The following PGBD5 variants were observed in gnomAD, a reference collection of about 807,000 sequenced individuals.
PGBD5 encodes the protein piggyBac transposable element derived 5.
In PGBD5, 14 loss-of-function variants were observed where a neutral mutation model predicts 47.9. That is an observed-to-expected ratio of 0.29 (90% CI 0.19 to 0.46). The LOEUF (loss-of-function observed/expected upper bound fraction) is 0.46. Among genes scored for constraint, PGBD5 ranks in the 20% least tolerant of loss-of-function variants. The pLI, the probability that PGBD5 is intolerant of heterozygous loss-of-function variation, is 1.00. For synonymous variants in PGBD5, 316 were observed against 306.3 expected, an observed-to-expected ratio of 1.03 and a Z score of -0.33; for missense variants, 635 against 716.0, an observed-to-expected ratio of 0.89 and a Z score of 1.29.
rs1007989020 is a variant in PGBD5, at chr1:230,321,572, G to A, written c.*1853C>T. 2.6e-5 allele frequency: 4 copies of A among 152,272 alleles called. No individual in the cohort carries two copies. Among genetic ancestry groups the A allele is most frequent in the Admixed American group, 2.0e-4 (3 of 15,286 alleles). 9.4% of individuals were successfully genotyped at this position (152,272 alleles called of 1,614,324 possible). ...GCCCGCTTCAGCCTCCAAAAGTGCT[G>A]GGATTACAGGCATGAGCCACCGCAC... On this transcript the variant is annotated 3_prime_UTR_variant, in exon 7 of 7. Transcript: ENST00000391860.
chr1:230,347,628 C>G (rs190786699), intron 3 of PGBD5, among the ~76,000 whole-genome samples: 500 of 152,038 alleles, frequency 3.3e-3, no homozygotes, highest in African/African-American at 0.01. Context: ...TACAGGCATG[C>G]GCCACCATGC....
At chr1:230,424,306 T>C (rs1212107503) in intron 1 of PGBD5, among the ~76,000 whole-genome samples, 1 of 152,188 alleles carries the variant, frequency 6.6e-6, no homozygotes, top group Non-Finnish European at 1.5e-5. Flanking sequence ...GAGTCAATGA[T>C]TTTGAAAATT....
intron 1 of PGBD5, among the ~76,000 whole-genome samples, chr1:230,370,550 A>C (rs560309938): frequency 6.6e-6 from 1 of 152,104 alleles, no homozygotes; most frequent in African/African-American, 2.4e-5. Context: ...TTTGATGACA[A>C]ATCTATGAGA....
chr1:230,328,988 A>G (rs1667166888), intron 5 of PGBD5, among the ~76,000 whole-genome samples: 3 of 151,838 alleles, frequency 2.0e-5, no homozygotes, highest in Admixed American at 2.0e-4. Context: ...ACTGAAGTGC[A>G]GTGTCACGAT....
In PGBD5 at chr1:230,421,257, T is replaced by C. The variant is rs574400128; in HGVS notation, c.331+4341A>G. The stretch of plus-strand genomic sequence containing the variant: ...AGATTCTACTCTTCTGTATCCTGTT[T>C]GTGGTATCGATTACACAAATCATGA... On this transcript the variant is annotated intron_variant, in intron 1 of 6. Coordinates refer to ENST00000391860, the MANE Select transcript of PGBD5 (RefSeq NM_001258311.2). Among the ~76,000 whole-genome samples, 120 of 152,356 alleles carry C rather than the reference T, an allele frequency of 7.9e-4. 1 individual carries two copies. The highest frequency in any genetic ancestry group is 2.9e-3 in the African/African-American group (119 of 41,584).
chr1:230,396,299 A>C (rs1217354055), intron 1 of PGBD5, among the ~76,000 whole-genome samples: 3 of 59,954 alleles, frequency 5.0e-5, no homozygotes, highest in South Asian at 8.0e-4. Context: ...TTTTACCCCC[A>C]CACTCCTCCC....
At position 230,357,165 on chromosome 1, in the gene PGBD5, G is replaced by A. The variant is rs1012781154; in HGVS notation, c.488C>T (p.Thr163Met). The A allele has an allele frequency of 1.9e-5, 30 of 1,614,104 alleles. No homozygotes were observed. The highest frequency in any genetic ancestry group is 2.5e-5 in the Non-Finnish European group (29 of 1,180,018). ...CAGGAACGCCTTCATCTCCGTCAGCGTCACCTCCACCCAGGCTCCGTCGCT... is the reference window on the plus strand; with the variant it reads ...CAGGAACGCCTTCATCTCCGTCAGCATCACCTCCACCCAGGCTCCGTCGCT... The part of the protein sequence containing the change: ...FGSDGAWVEV[T>M]LTEMKAFLGY... The change falls in exon 2 of 7, where the codon ACG (threonine) becomes ATG (methionine). Residue 163 changes from threonine (T) to methionine (M), a missense_variant. By Grantham distance (81) the Thr-to-Met change is moderately conservative. Transcript: ENST00000391860. The surrounding 1 kb of genome is among the most constrained non-coding windows in gnomAD (Gnocchi z 5.7).
intron 4 of PGBD5, chr1:230,335,974 A>G (rs1667319351): frequency 6.6e-6 from 1 of 151,720 alleles, no homozygotes; most frequent in Non-Finnish European, 1.5e-5. Flanking sequence ...CACCCCTTCT[A>G]CTTTCAGTCC....
At chr1:230,373,854 C>T (rs559493381) in intron 1 of PGBD5, among the ~76,000 whole-genome samples, 6 of 152,162 alleles carry the variant, frequency 3.9e-5, no homozygotes, top group Non-Finnish European at 8.8e-5. Flanking sequence ...CCACCACACC[C>T]GGCTAATTTT....
rs777761759 is a variant in PGBD5, at chr1:230,357,347, T to C, written c.332-26A>G. The C allele has an allele frequency of 4.0e-5, 64 of 1,604,480 alleles. No individual in the cohort carries two copies. The highest frequency in any genetic ancestry group is 5.1e-5 in the Non-Finnish European group (60 of 1,174,648). ...CTGAAACCCAAAGACAGGTGGAGTG[T>C]TCCTTAGGACGGCCGCCACACCCTG... is the stretch of plus-strand genomic sequence containing the variant. On this transcript the variant is annotated intron_variant, in intron 1 of 6. Transcript: ENST00000391860. This position sits in a 1 kb window ranked among gnomAD's most constrained non-coding sequence, Gnocchi z 5.7.
At chr1:230,397,899 C>T (rs905909409) in intron 1 of PGBD5, among the ~76,000 whole-genome samples, 2 of 152,210 alleles carry the variant, frequency 1.3e-5, no homozygotes, top group Non-Finnish European at 2.9e-5. Flanking sequence ...GGGGTAGCGT[C>T]CCCTACATGG....
chr1:230,339,920 G>A (rs1330813072), intron 3 of PGBD5, among the ~76,000 whole-genome samples: 1 of 152,066 alleles, frequency 6.6e-6, no homozygotes, highest in African/African-American at 2.4e-5. Flanking sequence ...AGAGATCTAT[G>A]GTACCACATG....
intron 2 of PGBD5, among the ~76,000 whole-genome samples, chr1:230,352,447 T>C (rs1206866595): frequency 6.6e-6 from 1 of 152,068 alleles, no homozygotes. Context: ...ATACTTACCA[T>C]GTGTGATGTG....
chr1:230,400,961 CAGGTCAGAATTCTGACCT>C (rs929359913), intron 1 of PGBD5, among the ~76,000 whole-genome samples: 2 of 152,224 alleles, frequency 1.3e-5, no homozygotes, highest in African/African-American at 4.8e-5. Context: ...TAACTACAAA[CAGGTCAGAATTCTGACCT>C]AGATACTAAA....
intron 1 of PGBD5, among the ~76,000 whole-genome samples, chr1:230,397,646 A>G (rs1032177244): frequency 6.6e-6 from 1 of 152,214 alleles, no homozygotes; most frequent in Non-Finnish European, 1.5e-5. Context: ...TTTTTCCCCA[A>G]ATCTCCTCAA....
At chr1:230,405,655 C>A (rs930115656) in intron 1 of PGBD5, among the ~76,000 whole-genome samples, 1 of 152,120 alleles carries the variant, frequency 6.6e-6, no homozygotes, top group Non-Finnish European at 1.5e-5. Context: ...ATACCAGTAG[C>A]CTCCCTGGCT....
chr1:230,334,456 C>T (rs1164052706), intron 4 of PGBD5, among the ~76,000 whole-genome samples: 1 of 152,228 alleles, frequency 6.6e-6, no homozygotes, highest in East Asian at 1.9e-4. Context: ...CTCAAGTTTC[C>T]ATGAATCTAT....
chr1:230,349,180 G>C (rs996343944), intron 3 of PGBD5, among the ~76,000 whole-genome samples: 1 of 152,194 alleles, frequency 6.6e-6, no homozygotes, highest in African/African-American at 2.4e-5. Context: ...TAACTGTAGA[G>C]GGAGAAGGGA....
chr1:230,370,482 G>A (rs1466877807), intron 1 of PGBD5, among the ~76,000 whole-genome samples: 4 of 152,186 alleles, frequency 2.6e-5, no homozygotes, highest in African/African-American at 7.2e-5. Context: ...ATGGCTGTAC[G>A]TGTTTATGTG....
Sources: gnomAD v4.1 joint callset for allele counts (sites outside exome capture counted in the v4.1 genomes callset) on GRCh38, gnomAD v4.1.1 for gene constraint, Gnocchi (gnomAD v3.1) non-coding constraint, MANE v1.5 for transcripts, NCBI Gene and HGNC (gene_info 2026-07-23, HGNC 2026-07-21) for gene names.